NUBPL: variants seen among roughly 807,000 people sequenced by gnomAD.
NUBPL encodes NUBP iron-sulfur cluster assembly factor, mitochondrial, also known as iron-sulfur cluster transfer protein NUBPL.
A neutral mutation model predicts 45.7 loss-of-function variants in NUBPL; 31 were observed. The ratio of observed to expected loss-of-function variants is 0.68; its 90% CI spans 0.51 to 0.92. NUBPL has a LOEUF of 0.92. Ranked by LOEUF, NUBPL falls within the 40% of genes least tolerant of loss-of-function variation. The pLI is 0.00. For synonymous variants in NUBPL, 144 were observed against 140.9 expected (o/e 1.02, Z -0.15); for missense variants, 401 against 398.7 (o/e 1.01, Z -0.05).
At chr14:31,568,968 T>C (rs1349774686) in intron 3 of NUBPL, among the ~76,000 whole-genome samples, 3 of 152,222 alleles carry the variant, frequency 2.0e-5, no homozygotes, top group Non-Finnish European at 4.4e-5. Context: ...TAATATTTGT[T>C]TGTATATACC....
chr14:31,831,519 A>ACCATACTG (rs1342718904), intron 8 of NUBPL, among the ~76,000 whole-genome samples: 3 of 147,766 alleles, frequency 2.0e-5, no homozygotes, highest in Admixed American at 6.6e-5. Flanking sequence ...ATACCATACT[A>ACCATACTG]TACTCATACT....
At chr14:31,773,195 T>A (rs1170328702) in intron 6 of NUBPL, among the ~76,000 whole-genome samples, 1 of 152,194 alleles carries the variant, frequency 6.6e-6, no homozygotes, top group Non-Finnish European at 1.5e-5. Flanking sequence ...AATAAAATGT[T>A]GCATGATTTT....
At chr14:31,770,633 T>C (rs546537915) in intron 6 of NUBPL, among the ~76,000 whole-genome samples, 3 of 152,212 alleles carry the variant, frequency 2.0e-5, no homozygotes, top group Non-Finnish European at 4.4e-5. Flanking sequence ...CTTTCATAAT[T>C]CTAACCTTGT....
chr14:31,667,641 T>C (rs1227258869), intron 4 of NUBPL, among the ~76,000 whole-genome samples: 1 of 152,194 alleles, frequency 6.6e-6, no homozygotes, highest in Non-Finnish European at 1.5e-5. Context: ...TTCTGGTTTT[T>C]GGAATTTTCT....
At chr14:31,858,807 G>A (rs1358281100) in intron 10 of NUBPL, among the ~76,000 whole-genome samples, 1 of 152,176 alleles carries the variant, frequency 6.6e-6, no homozygotes, top group African/African-American at 2.4e-5. Flanking sequence ...GCAAAAAGGT[G>A]TAATCTCTCT....
intron 7 of NUBPL, among the ~76,000 whole-genome samples, chr14:31,820,245 A>G (rs1443961288): frequency 6.6e-6 from 1 of 152,140 alleles, no homozygotes; most frequent in Admixed American, 6.5e-5. Flanking sequence ...ATTGCAAACT[A>G]AACTTCATTT....
chr14:31,758,347 C>T lies in NUBPL; in HGVS notation c.514-29433C>T, dbSNP rs1385962286. 3.3e-5 allele frequency among the ~76,000 whole-genome samples: 5 copies of T among 152,126 alleles called. No homozygotes were observed. In the East Asian group the frequency reaches 7.7e-4, roughly 23 times the overall value. On this transcript the variant is annotated intron_variant, in intron 6 of 10. Transcript: ENST00000281081. The stretch of plus-strand genomic sequence containing the variant: ...AGCAATATATAGTACAATTGCCTAG[C>T]AAAAGTATTTGAAATTCAGTTGGCA...
intron 6 of NUBPL, among the ~76,000 whole-genome samples, chr14:31,689,675 G>A (rs779003917): frequency 1.3e-5 from 2 of 151,946 alleles, no homozygotes; most frequent in Non-Finnish European, 2.9e-5. Flanking sequence ...AATTAGATCC[G>A]CCTGTCAATT....
intron 7 of NUBPL, among the ~76,000 whole-genome samples, chr14:31,815,873 C>G (rs896230732): frequency 1.3e-5 from 2 of 152,104 alleles, no homozygotes; most frequent in Non-Finnish European, 2.9e-5. Flanking sequence ...CCTTGCATGC[C>G]AGGGATGAAG....
chr14:31,621,760 G>A (rs942244134), intron 4 of NUBPL, among the ~76,000 whole-genome samples: 1 of 152,152 alleles, frequency 6.6e-6, no homozygotes, highest in Non-Finnish European at 1.5e-5. Flanking sequence ...AATCCTAAAC[G>A]TCTTTTTTAA....
chr14:31,842,477 CT>C (rs778750905), intron 8 of NUBPL, among the ~76,000 whole-genome samples: 41 of 151,524 alleles, frequency 2.7e-4, no homozygotes, highest in African/African-American at 8.7e-4. Context: ...TAGTTCCAAA[CT>C]TTTTTTTTCC....
intron 6 of NUBPL, among the ~76,000 whole-genome samples, chr14:31,674,426 T>G (rs1300743560): frequency 6.6e-6 from 1 of 152,164 alleles, no homozygotes; most frequent in Non-Finnish European, 1.5e-5. Flanking sequence ...TTCTACCACT[T>G]TTGCTGCTTG....
At chr14:31,673,918 A>G (rs901800456) in intron 6 of NUBPL, among the ~76,000 whole-genome samples, 4 of 152,210 alleles carry the variant, frequency 2.6e-5, no homozygotes, top group Non-Finnish European at 5.9e-5. Flanking sequence ...ATATTGAGTT[A>G]TAAGGGCAGT....
chr14:31,810,136 C>T (rs533722200), intron 7 of NUBPL, among the ~76,000 whole-genome samples: 129 of 152,314 alleles, frequency 8.5e-4, no homozygotes, highest in African/African-American at 3.0e-3. Context: ...ATTAGGTCCT[C>T]TTGGTGCAGA....
intron 4 of NUBPL, among the ~76,000 whole-genome samples, chr14:31,648,998 C>G (rs1179179230): frequency 6.6e-6 from 1 of 152,010 alleles, no homozygotes; most frequent in African/African-American, 2.4e-5. Context: ...TTAGTAGAGA[C>G]GGGGTTTCAC....
intron 4 of NUBPL, among the ~76,000 whole-genome samples, chr14:31,627,765 CA>C (rs34778685): frequency 1.2e-3 from 127 of 109,356 alleles, no homozygotes; most frequent in South Asian, 6.6e-3. Context: ...GACTCTGTCT[CA>C]AAAAAAAAAA....
intron 4 of NUBPL, among the ~76,000 whole-genome samples, chr14:31,670,938 T>G (rs1424294220): frequency 6.6e-6 from 1 of 152,222 alleles, no homozygotes; most frequent in Non-Finnish European, 1.5e-5. Flanking sequence ...TTGCTTTGGA[T>G]TACCTTGGCT....
At chr14:31,686,088 C>T (rs902185529) in intron 6 of NUBPL, among the ~76,000 whole-genome samples, 2 of 151,952 alleles carry the variant, frequency 1.3e-5, no homozygotes, top group African/African-American at 4.8e-5. Flanking sequence ...ATGATAAGAC[C>T]CCTGTGTAGC....
intron 6 of NUBPL, among the ~76,000 whole-genome samples, chr14:31,673,969 A>C (rs1346662680): frequency 1.3e-5 from 2 of 152,108 alleles, no homozygotes; most frequent in African/African-American, 4.8e-5. Flanking sequence ...ATATAAACCA[A>C]TGTACTTGTG....
Sources: gnomAD v4.1 joint callset for allele counts (sites outside exome capture counted in the v4.1 genomes callset) on GRCh38, gnomAD v4.1.1 for gene constraint, MANE v1.5 for transcripts, NCBI Gene and HGNC (gene_info 2026-07-23, HGNC 2026-07-21) for gene names.